CHRNB4: variants seen among roughly 807,000 people sequenced by gnomAD.
The protein encoded by CHRNB4 is neuronal acetylcholine receptor subunit beta-4.
A neutral mutation model predicts 40.4 loss-of-function variants in CHRNB4; 23 were observed. The observed-to-expected ratio is 0.57, with a 90% CI of 0.41 to 0.81. CHRNB4 has a LOEUF of 0.81. Among genes scored for constraint, CHRNB4 ranks in the 30% least tolerant of loss-of-function variants. CHRNB4 has a pLI of 0.00. For missense variants in CHRNB4, 568 were observed against 670.6 expected (o/e 0.85, Z 1.69); for synonymous variants, 285 against 274.4 (o/e 1.04, Z -0.38).
chr15:78,634,547 T>G (rs942176943), intron 2 of CHRNB4: 1 of 344,702 alleles, frequency 2.9e-6, no homozygotes, highest in African/African-American at 2.1e-5. Context: ...TCCTGAGGGC[T>G]GTAGGTTTGA....
intron 6 of CHRNB4, among the ~76,000 whole-genome samples, chr15:78,649,951 G>A (rs1162895896): frequency 6.6e-6 from 1 of 152,154 alleles, no homozygotes; most frequent in African/African-American, 2.4e-5. Context: ...GTTCCCAGGT[G>A]TTTGTTATGT....
intron 1 of CHRNB4, among the ~76,000 whole-genome samples, chr15:78,636,612 CTTT>C (rs377161406): frequency 7.0e-6 from 1 of 143,406 alleles, no homozygotes; most frequent in Non-Finnish European, 1.5e-5. Context: ...CTGTTTTTTC[CTTT>C]TTTTTTTTTT....
chr15:78,641,547 C>T (rs1316719259), upstream of CHRNB4, among the ~76,000 whole-genome samples: 1 of 152,208 alleles, frequency 6.6e-6, no homozygotes, highest in African/African-American at 2.4e-5. Flanking sequence ...TTTGCCTTCC[C>T]TCACCTCGAA....
chr15:78,655,762 AAC>A (rs952582338), intron 4 of CHRNB4: 1 of 152,162 alleles, frequency 6.6e-6, no homozygotes, highest in Admixed American at 6.5e-5. Context: ...GAAAAAAAGA[AAC>A]ACAACAATGT....
At chr15:78,653,877 C>G (rs1315454169) in intron 5 of CHRNB4, among the ~76,000 whole-genome samples, 6 of 152,140 alleles carry the variant, frequency 3.9e-5, no homozygotes, top group African/African-American at 1.4e-4. Flanking sequence ...CCCACTGAAC[C>G]CTCTCCCATT....
upstream of CHRNB4, among the ~76,000 whole-genome samples, chr15:78,644,466 C>T (rs1162902273): frequency 6.6e-6 from 1 of 151,914 alleles, no homozygotes; most frequent in Non-Finnish European, 1.5e-5. Flanking sequence ...AGCCAGCATT[C>T]AAGGCACCAT....
chr15:78,632,213 C>CTTT (rs1296218248), intron 2 of CHRNB4, among the ~76,000 whole-genome samples: 2 of 85,578 alleles, frequency 2.3e-5, no homozygotes, highest in African/African-American at 1.7e-4. Flanking sequence ...TTCTTTCTTT[C>CTTT]TCTTTCTCTC....
chr15:78,635,666 G>C (rs576669662), intron 1 of CHRNB4, 79 bp from the exon 2 acceptor site: 1 of 1,583,622 alleles, frequency 6.3e-7, no homozygotes, highest in Non-Finnish European at 8.6e-7. Context: ...AGGGAGAGCT[G>C]AGAGGGAGCA....
chr15:78,636,243 G>A (rs2141387716), intron 1 of CHRNB4, among the ~76,000 whole-genome samples: 1 of 152,088 alleles, frequency 6.6e-6, no homozygotes, highest in East Asian at 1.9e-4. Context: ...CCCTCAGTCT[G>A]TTCTCCTTAT....
chr15:78,633,940 G>A (rs1055591243), intron 2 of CHRNB4, among the ~76,000 whole-genome samples: 4 of 146,580 alleles, frequency 2.7e-5, no homozygotes, highest in Non-Finnish European at 6.0e-5. Flanking sequence ...TGGGGGTGGG[G>A]ATGCTGGCGA....
Position 78,636,612 on chromosome 15 carries a change from CT to C in CHRNB4, c.56-1026del, listed in dbSNP as rs377161406. 7.1e-3 allele frequency among the ~76,000 whole-genome samples: 1,011 copies of C among 143,040 alleles called. 1 individual carries two copies. Among genetic ancestry groups the C allele is most frequent in the Admixed American group, 0.015 (209 of 14,146 alleles). The allele number at this position is 143,040 out of a possible 152,430, so 93.8% of individuals were successfully genotyped here. ...TCACTGTCTCACTTCCTGTTTTTTC[CT>C]TTTTTTTTTTTTAGAGACAGGGTCT... On this transcript the variant is annotated intron_variant, in intron 1 of 5. Coordinates refer to ENST00000261751, the MANE Select transcript of CHRNB4 (RefSeq NM_000750.5).
Position 78,629,557 on chromosome 15 carries a change from C to T in CHRNB4, c.748G>A (p.Ala250Thr). Residue 250 changes from alanine to threonine, a missense_variant, in exon 5 of 6, where the codon GCC becomes ACC. Physicochemically the swap from Ala to Thr is moderately conservative, Grantham distance 58. This residue lies in a region of CHRNB4 where 38 missense variants were observed against 80.3 expected (regional missense o/e 0.47). Coordinates refer to ENST00000261751, the MANE Select transcript of CHRNB4 (RefSeq NM_000750.5). This position sits in a 1 kb window ranked among gnomAD's most constrained non-coding sequence, Gnocchi z 6.8. ...GATGGCAGGTAGAAGACGAGGATGGCCAGCAAGGTGGTGAGCACGCAGGGG... is the reference window on the plus strand; with the variant it reads ...GATGGCAGGTAGAAGACGAGGATGGTCAGCAAGGTGGTGAGCACGCAGGGG... ...IIPCVLTTLL[A>T]ILVFYLPSDC... 1 of 1,614,054 alleles carries T rather than the reference C, an allele frequency of 6.2e-7. No homozygotes were observed. Among genetic ancestry groups the T allele is most frequent in the Non-Finnish European group, 8.5e-7 (1 of 1,180,014 alleles).
At chr15:78,654,939 T>G (rs1324382034) in intron 5 of CHRNB4, among the ~76,000 whole-genome samples, 2 of 152,170 alleles carry the variant, frequency 1.3e-5, no homozygotes, top group Non-Finnish European at 2.9e-5. Flanking sequence ...CACCTGGTTT[T>G]AAGAGTTTCC....
At chr15:78,653,477 C>A (rs925617594) in intron 5 of CHRNB4, among the ~76,000 whole-genome samples, 1 of 152,292 alleles carries the variant, frequency 6.6e-6, no homozygotes, top group South Asian at 2.1e-4. Context: ...TCACCTGGCT[C>A]CCCAGCTGTC....
chr15:78,655,269 G>A (rs2170311), intron 5 of CHRNB4, among the ~76,000 whole-genome samples: 44,021 of 150,362 alleles, frequency 0.29, 7,630 homozygotes, highest in Non-Finnish European at 0.41. Flanking sequence ...GTGCAGTGGC[G>A]TGATCATGGC....
upstream of CHRNB4, among the ~76,000 whole-genome samples, chr15:78,645,273 C>T (rs2054113756): frequency 6.6e-6 from 1 of 152,160 alleles, no homozygotes; most frequent in Non-Finnish European, 1.5e-5. Context: ...CTTGACTTGC[C>T]TTTCTCTTGG....
chr15:78,640,322 G>T (rs1187860368), intron 1 of CHRNB4, among the ~76,000 whole-genome samples: 1 of 152,178 alleles, frequency 6.6e-6, no homozygotes. Context: ...TGAGAAGGCA[G>T]TCCTCACATT....
chr15:78,653,461 C>T (rs1435456726), intron 5 of CHRNB4, among the ~76,000 whole-genome samples: 2 of 152,184 alleles, frequency 1.3e-5, no homozygotes, highest in Non-Finnish European at 2.9e-5. Flanking sequence ...TTCTCCATAG[C>T]TTGCCTCACC....
At position 78,632,253 on chromosome 15, in the gene CHRNB4, CTCTTTCTT is replaced by C. The variant is rs1211652251; in HGVS notation, c.205-929_205-922del. Among the ~76,000 whole-genome samples, 175 of 87,844 alleles carry C rather than the reference CTCTTTCTT, an allele frequency of 2.0e-3. 3 individuals carry two copies. The highest frequency in any genetic ancestry group is 0.012 in the African/African-American group (155 of 13,284). 57.6% of individuals were successfully genotyped at this position (87,844 alleles called of 152,430 possible). A position where few individuals can be genotyped will look rare whatever the true frequency, so the allele number is the denominator to read the frequency against. ...TCTCTCTCTCTCTCTCTCTCTCTCT[CTCTTTCTT>C]TCTTTCTTTCTTTCTTTCTCCCTTT... is the stretch of plus-strand genomic sequence containing the variant. On this transcript the variant is annotated intron_variant, in intron 2 of 5. Coordinates refer to ENST00000261751, the MANE Select transcript of CHRNB4 (RefSeq NM_000750.5).
Sources: allele counts gnomAD v4.1 joint callset (sites outside exome capture counted in the v4.1 genomes callset), GRCh38; gene constraint gnomAD v4.1.1; regional missense constraint gnomAD v4.1.1; non-coding constraint Gnocchi (gnomAD v3.1); transcripts MANE v1.5; gene names NCBI Gene and HGNC (gene_info 2026-07-23, HGNC 2026-07-21).